Variants in EXOC6 observed in about 807,000 individuals in gnomAD.
EXOC6 encodes the protein exocyst complex component 6, also known as SEC15-like 1.
A neutral mutation model predicts 112.5 loss-of-function variants in EXOC6; 60 were observed. The observed-to-expected ratio is 0.53, with a 90% CI of 0.43 to 0.66. The LOEUF is 0.66. Among genes scored for constraint, EXOC6 ranks in the 30% least tolerant of loss-of-function variants. EXOC6 has a pLI of 0.00. For missense variants in EXOC6, 855 were observed against 957.1 expected (o/e 0.89, Z 1.41); for synonymous variants, 295 against 308.0 (o/e 0.96, Z 0.44).
intron 19 of EXOC6, among the ~76,000 whole-genome samples, chr10:93,003,947 G>A (rs1036989424): frequency 6.6e-6 from 1 of 152,178 alleles, no homozygotes; most frequent in African/African-American, 2.4e-5. Context: ...ATAATCATAT[G>A]TGGATGGACT....
intron 17 of EXOC6, among the ~76,000 whole-genome samples, chr10:92,959,946 T>G (rs917487297): frequency 2.6e-5 from 4 of 152,210 alleles, no homozygotes; most frequent in Admixed American, 6.5e-5. Flanking sequence ...TGGAAGACCA[T>G]TTGGCAGCTT....
chr10:92,926,346 A>C (rs1306864041), intron 8 of EXOC6, among the ~76,000 whole-genome samples: 1 of 151,966 alleles, frequency 6.6e-6, no homozygotes, highest in Non-Finnish European at 1.5e-5. Flanking sequence ...AATGTTTTTT[A>C]AAATTAAGTT....
chr10:92,890,114 T>C (rs1178738812), intron 1 of EXOC6, among the ~76,000 whole-genome samples: 3 of 152,228 alleles, frequency 2.0e-5, no homozygotes, highest in African/African-American at 4.8e-5. Flanking sequence ...GGAATAGTTC[T>C]TTATTTATTT....
intron 19 of EXOC6, among the ~76,000 whole-genome samples, chr10:93,000,310 C>G (rs955079673): frequency 6.6e-6 from 1 of 152,136 alleles, no homozygotes; most frequent in African/African-American, 2.4e-5. Context: ...ATTCTCTTAC[C>G]TCTCTAGCCT....
chr10:92,859,158 A>T (rs1847774585), intron 1 of EXOC6, among the ~76,000 whole-genome samples: 2 of 152,076 alleles, frequency 1.3e-5, no homozygotes, highest in Admixed American at 1.3e-4. Context: ...AAACTGGACG[A>T]TTTAGATAAC....
At chr10:92,836,681 C>A (rs147767834) in intron 1 of EXOC6, among the ~76,000 whole-genome samples, 1 of 152,238 alleles carries the variant, frequency 6.6e-6, no homozygotes, top group Non-Finnish European at 1.5e-5. Context: ...CTAAACTGTT[C>A]ATCTAATAAG....
At chr10:92,887,373 T>A (rs182601339) in intron 1 of EXOC6, among the ~76,000 whole-genome samples, 306 of 151,252 alleles carry the variant, frequency 2.0e-3, no homozygotes, top group African/African-American at 7.2e-3. Flanking sequence ...AATCAACTAC[T>A]TGTAGTGATT....
chr10:92,933,807 A>G (rs1420354748), intron 9 of EXOC6, among the ~76,000 whole-genome samples: 2 of 152,152 alleles, frequency 1.3e-5, no homozygotes, highest in South Asian at 2.1e-4. Flanking sequence ...GCAGCTGGAC[A>G]TTCTGGTAGG....
rs1392959810 is a variant in EXOC6 at position 92,895,605 on chromosome 10, AT to A, written c.412+589del. Reference sequence around the variant, plus strand: ...ATAAATTCCGAGGAAATTAACTAGTATTTTCTTTACCTGGATTTAATATACT... The same window carrying A: ...ATAAATTCCGAGGAAATTAACTAGTATTTCTTTACCTGGATTTAATATACT... On this transcript the variant is annotated intron_variant, in intron 4 of 21. Transcript: ENST00000260762. Among the ~76,000 whole-genome samples the A allele has an allele frequency of 2.0e-5, 3 of 152,046 alleles. No homozygotes were observed. In the East Asian group the frequency reaches 5.8e-4, roughly 29 times the overall value.
chr10:92,940,358 A>T (rs1327297859), intron 12 of EXOC6, among the ~76,000 whole-genome samples: 4 of 152,160 alleles, frequency 2.6e-5, no homozygotes, highest in Non-Finnish European at 4.4e-5. Flanking sequence ...CTCAGACAGA[A>T]TCCATTCCCT....
At chr10:93,055,437 A>G (rs1309803912) in intron 20 of EXOC6, among the ~76,000 whole-genome samples, 1 of 152,180 alleles carries the variant, frequency 6.6e-6, no homozygotes, top group African/African-American at 2.4e-5. Context: ...GTTGCATTCC[A>G]AGAAGTAGGA....
chr10:92,946,148 T>C (rs997955558), intron 13 of EXOC6, among the ~76,000 whole-genome samples: 18 of 149,290 alleles, frequency 1.2e-4, no homozygotes, highest in African/African-American at 4.4e-4. Flanking sequence ...AAAAAAAAAT[T>C]AGCTGGGCGT....
chr10:92,909,160 A>G (rs917441395), intron 5 of EXOC6, among the ~76,000 whole-genome samples: 9 of 152,196 alleles, frequency 5.9e-5, no homozygotes, highest in Non-Finnish European at 8.8e-5. Flanking sequence ...TTAAGATGCT[A>G]TCATAATGCT....
At chr10:92,944,516 G>A (rs1199041159) in intron 13 of EXOC6, among the ~76,000 whole-genome samples, 2 of 152,172 alleles carry the variant, frequency 1.3e-5, no homozygotes, top group African/African-American at 4.8e-5. Flanking sequence ...GATTACAGAT[G>A]TGAGCCACTG....
At chr10:92,835,112 A>G (rs1319925045) in intron 1 of EXOC6, among the ~76,000 whole-genome samples, 1 of 152,184 alleles carries the variant, frequency 6.6e-6, no homozygotes, top group Non-Finnish European at 1.5e-5. Flanking sequence ...TGAGGTTTCA[A>G]TTGTTTTCTT....
chr10:92,848,755 G>A (rs915380017), intron 1 of EXOC6, 121 bp downstream of exon 1: 7 of 699,640 alleles, frequency 1.0e-5, no homozygotes, highest in Non-Finnish European at 1.3e-5. Flanking sequence ...GTGCGCGCGG[G>A]GGCGGGCGGG....
intron 18 of EXOC6, among the ~76,000 whole-genome samples, chr10:92,981,673 G>A (rs1002514938): frequency 6.6e-6 from 1 of 152,054 alleles, no homozygotes; most frequent in African/African-American, 2.4e-5. Flanking sequence ...CTACTCTGGG[G>A]ATATTAAATT....
intron 2 of EXOC6, 99 bp from the exon 3 acceptor site, chr10:92,894,695 A>G: frequency 1.1e-6 from 1 of 908,276 alleles, no homozygotes; most frequent in Non-Finnish European, 1.7e-6. Context: ...TCTTTGTTCT[A>G]AGTTTCTCAT....
In EXOC6 at chr10:92,896,071, GTATATATA is replaced by G. The variant is rs1428818025; in HGVS notation, c.412+1053_412+1060del. On this transcript the variant is annotated intron_variant, in intron 4 of 21. Coordinates refer to ENST00000260762, the MANE Select transcript of EXOC6 (RefSeq NM_019053.6). ...TGTATATATATGTGTATATATATGT[GTATATATA>G]TGTGTATATATATATGTGTGTATAT... Among the ~76,000 whole-genome samples the G allele has an allele frequency of 4.2e-4, 26 of 62,646 alleles. 1 individual carries two copies. Among genetic ancestry groups the G allele is most frequent in the South Asian group, 7.6e-4 (1 of 1,320 alleles). The allele number at this position is 62,646 out of a possible 152,430, so 41.1% of individuals were successfully genotyped here.
Sources: gnomAD v4.1 joint callset for allele counts (sites outside exome capture counted in the v4.1 genomes callset) on GRCh38, gnomAD v4.1.1 for gene constraint, MANE v1.5 for transcripts, NCBI Gene and HGNC (gene_info 2026-07-23, HGNC 2026-07-21) for gene names.